Variants in RCAN2 observed in about 807,000 individuals in gnomAD.
RCAN2 encodes calcipressin-2.
RCAN2 carries 9 observed loss-of-function variants against 23.6 expected under a neutral mutation model. That is an observed-to-expected ratio of 0.38 (90% CI 0.23 to 0.67). The LOEUF (loss-of-function observed/expected upper bound fraction) is 0.67. Among genes scored for constraint, RCAN2 ranks in the 30% least tolerant of loss-of-function variants. The pLI, the probability that RCAN2 is intolerant of heterozygous loss-of-function variation, is 0.51. For missense variants in RCAN2, 273 were observed against 302.3 expected (o/e 0.90, Z 0.72); for synonymous variants, 109 against 115.7 (o/e 0.94, Z 0.37).
At chr6:46,476,821 A>G (rs1768725382) in intron 1 of RCAN2, among the ~76,000 whole-genome samples, 1 of 152,152 alleles carries the variant, frequency 6.6e-6, no homozygotes, top group Non-Finnish European at 1.5e-5. Flanking sequence ...GAAAGCCCCT[A>G]GATAACTGCA....
chr6:46,454,461 A>G (rs963247470), intron 2 of RCAN2, among the ~76,000 whole-genome samples: 1 of 152,168 alleles, frequency 6.6e-6, no homozygotes, highest in Non-Finnish European at 1.5e-5. Context: ...TAAACTATAT[A>G]GATATAATTA....
chr6:46,262,732 C>T (rs1370579862), intron 2 of RCAN2, among the ~76,000 whole-genome samples: 10 of 152,122 alleles, frequency 6.6e-5, no homozygotes, highest in Non-Finnish European at 1.3e-4. Flanking sequence ...ATGGCTATCA[C>T]CCACCCCACT....
chr6:46,359,418 A>G (rs1582139243), intron 2 of RCAN2, among the ~76,000 whole-genome samples: 1 of 152,368 alleles, frequency 6.6e-6, no homozygotes, highest in Admixed American at 6.5e-5. Flanking sequence ...TACTTCATCT[A>G]TGTCAACATT....
chr6:46,457,046 A>C, intron 1 of RCAN2, 68 bp from the exon 2 acceptor site: 1 of 1,096,108 alleles, frequency 9.1e-7, no homozygotes, highest in Non-Finnish European at 1.3e-6. Context: ...TTCGGGTCAC[A>C]GTTTTGTATT....
chr6:46,331,419 G>T (rs1295793827), intron 2 of RCAN2, among the ~76,000 whole-genome samples: 1 of 151,940 alleles, frequency 6.6e-6, no homozygotes, highest in Non-Finnish European at 1.5e-5. Flanking sequence ...CATATGTGAT[G>T]GTTAACCATA....
chr6:46,402,855 C>T (rs1203827212), intron 2 of RCAN2, among the ~76,000 whole-genome samples: 1 of 152,176 alleles, frequency 6.6e-6, no homozygotes, highest in African/African-American at 2.4e-5. Context: ...TGTTTGTATG[C>T]CTTTCTCTCC....
At chr6:46,321,987 G>A (rs1763633504) in intron 2 of RCAN2, among the ~76,000 whole-genome samples, 1 of 152,184 alleles carries the variant, frequency 6.6e-6, no homozygotes. Context: ...GATTACCTAT[G>A]CCTGGGCTCC....
intron 4 of RCAN2, among the ~76,000 whole-genome samples, chr6:46,239,512 G>A (rs1046376633): frequency 3.3e-5 from 5 of 152,218 alleles, no homozygotes. Flanking sequence ...GATGCTGCAG[G>A]TGGCATCAGG....
At chr6:46,328,457 C>G (rs1763862537) in intron 2 of RCAN2, among the ~76,000 whole-genome samples, 1 of 152,178 alleles carries the variant, frequency 6.6e-6, no homozygotes, top group African/African-American at 2.4e-5. Context: ...AAGGAACTTT[C>G]CAGTAACTCT....
intron 2 of RCAN2, among the ~76,000 whole-genome samples, chr6:46,456,147 G>GTATTATGTATTAATACATAAT (rs1768021871): frequency 3.3e-5 from 5 of 152,130 alleles, no homozygotes; most frequent in Non-Finnish European, 5.9e-5. Context: ...TTAATACATA[G>GTATTATGTATTAATACATAAT]ACAACCTCAT....
intron 2 of RCAN2, among the ~76,000 whole-genome samples, chr6:46,263,395 A>G (rs1323904770): frequency 1.3e-5 from 2 of 151,918 alleles, no homozygotes; most frequent in Non-Finnish European, 2.9e-5. Context: ...TTAATCTCCA[A>G]TTCCTCTTAC....
chr6:46,248,765 T>G lies in RCAN2; in HGVS notation c.357A>C (p.Glu119Asp). 4 of 1,612,900 alleles carry G rather than the reference T, an allele frequency of 2.5e-6. No homozygotes were observed. Among genetic ancestry groups the G allele is most frequent in the Non-Finnish European group, 3.4e-6 (4 of 1,179,590 alleles). ...SAARARIELHETQFRGKKLKL... is the reference protein window; with the variant it reads ...SAARARIELHDTQFRGKKLKL... ...TTAATTTTTTCCCTCTGAATTGGGT[T>G]TCATGAAGCTCTATCCTAGCTCGGG... The change falls in exon 3 of 5, where the codon GAA becomes GAC. Residue 119 changes from glutamate to aspartate, a missense_variant. By Grantham distance (45) the Glu-to-Asp change is conservative. Coordinates refer to ENST00000371374, the MANE Select transcript of RCAN2 (RefSeq NM_001251974.2).
At chr6:46,275,023 T>G (rs2150335165) in intron 2 of RCAN2, among the ~76,000 whole-genome samples, 2 of 152,344 alleles carry the variant, frequency 1.3e-5, no homozygotes, top group Middle Eastern at 3.4e-3. Flanking sequence ...ATTGGCTAAA[T>G]TTAAACAAGG....
chr6:46,463,779 T>C lies in RCAN2; in HGVS notation c.-2-6801A>G, dbSNP rs559218187. ...AAACTAAAAAGCAAGAATTTTTCAA[T>C]AGAAAGTAATGATCCATAAAAAGAT... On this transcript the variant is annotated intron_variant, in intron 1 of 4. Coordinates refer to ENST00000371374, the MANE Select transcript of RCAN2 (RefSeq NM_001251974.2). Among the ~76,000 whole-genome samples the C allele has an allele frequency of 4.2e-4, 64 of 152,236 alleles. No homozygotes were observed. The Middle Eastern group carries it at 0.01, about 24-fold the overall frequency.
At chr6:46,390,544 C>A (rs1205105280) in intron 2 of RCAN2, among the ~76,000 whole-genome samples, 2 of 152,214 alleles carry the variant, frequency 1.3e-5, no homozygotes, top group Non-Finnish European at 2.9e-5. Flanking sequence ...TTACCTAATG[C>A]ATTTCTTGTC....
intron 2 of RCAN2, among the ~76,000 whole-genome samples, chr6:46,328,953 A>C (rs1343950519): frequency 6.6e-6 from 1 of 152,104 alleles, no homozygotes; most frequent in African/African-American, 2.4e-5. Flanking sequence ...GCAGCCTTGG[A>C]GGTGTCTAGA....
At chr6:46,382,631 G>T (rs958041399) in intron 2 of RCAN2, among the ~76,000 whole-genome samples, 1 of 152,120 alleles carries the variant, frequency 6.6e-6, no homozygotes, top group East Asian at 1.9e-4. Flanking sequence ...TAATAAAAGC[G>T]CTCCAATGCA....
chr6:46,279,742 A>G (rs1021202097), intron 2 of RCAN2, among the ~76,000 whole-genome samples: 1 of 152,192 alleles, frequency 6.6e-6, no homozygotes, highest in African/African-American at 2.4e-5. Context: ...ACTGTAGGAG[A>G]GCCTTGCTCA....
intron 1 of RCAN2, among the ~76,000 whole-genome samples, chr6:46,484,169 A>G (rs1768934901): frequency 6.6e-6 from 1 of 152,232 alleles, no homozygotes; most frequent in African/African-American, 2.4e-5. Context: ...AAATAATTCA[A>G]ATTGGCTGTT....
Sources: allele counts gnomAD v4.1 joint callset (sites outside exome capture counted in the v4.1 genomes callset), GRCh38; gene constraint gnomAD v4.1.1; transcripts MANE v1.5; gene names NCBI Gene and HGNC (gene_info 2026-07-23, HGNC 2026-07-21).